Variants in PIP5K1B observed in about 807,000 individuals in gnomAD.
PIP5K1B encodes the protein phosphatidylinositol-4-phosphate 5-kinase type 1 beta.
Under a neutral mutation model 67.0 loss-of-function variants are expected in PIP5K1B, and 42 were observed. The ratio of observed to expected loss-of-function variants is 0.63; its 90% CI spans 0.49 to 0.81. PIP5K1B has a LOEUF of 0.81. Ranked by LOEUF, PIP5K1B falls within the 30% of genes least tolerant of loss-of-function variation. The pLI, the probability that PIP5K1B is intolerant of heterozygous loss-of-function variation, is 0.00. For missense variants in PIP5K1B, 459 were observed against 646.3 expected (o/e 0.71, Z 3.14); for synonymous variants, 214 against 231.4 (o/e 0.92, Z 0.68).
At chr9:68,886,163 A>T (rs1253252176) in intron 6 of PIP5K1B, among the ~76,000 whole-genome samples, 1 of 151,764 alleles carries the variant, frequency 6.6e-6, no homozygotes, top group African/African-American at 2.4e-5. Flanking sequence ...TGGGTGTCAG[A>T]GCGAGACTCC....
chr9:68,956,324 G>C (rs1329924866), intron 14 of PIP5K1B, among the ~76,000 whole-genome samples: 1 of 152,172 alleles, frequency 6.6e-6, no homozygotes, highest in African/African-American at 2.4e-5. Context: ...ACAAAAATTG[G>C]CTGGGCATGA....
At chr9:68,986,632 T>C (rs576300447) in intron 14 of PIP5K1B, among the ~76,000 whole-genome samples, 1 of 152,356 alleles carries the variant, frequency 6.6e-6, no homozygotes, top group South Asian at 2.1e-4. Context: ...TTTTATCAAA[T>C]TTTGACCTTA....
chr9:68,817,294 C>T (rs1197698749), intron 2 of PIP5K1B, among the ~76,000 whole-genome samples: 1 of 152,228 alleles, frequency 6.6e-6, no homozygotes, highest in African/African-American at 2.4e-5. Context: ...TTGCTTCAAC[C>T]TTTGCACCGG....
intron 6 of PIP5K1B, among the ~76,000 whole-genome samples, chr9:68,888,214 G>A (rs981494194): frequency 2.4e-4 from 37 of 152,004 alleles, no homozygotes; most frequent in African/African-American, 8.0e-4. Context: ...TCCTGACCTC[G>A]TCATCCACCC....
chr9:68,947,059 G>A (rs868203082), intron 14 of PIP5K1B, among the ~76,000 whole-genome samples: 1 of 152,322 alleles, frequency 6.6e-6, no homozygotes, highest in Middle Eastern at 3.4e-3. Flanking sequence ...TGCAGCTGCC[G>A]CATAAGTCTC....
At chr9:68,795,630 G>T (rs1016565193) in intron 2 of PIP5K1B, among the ~76,000 whole-genome samples, 2 of 146,046 alleles carry the variant, frequency 1.4e-5, no homozygotes, top group African/African-American at 2.4e-5. Flanking sequence ...TAAAATATTT[G>T]CACATTAGCA....
chr9:68,989,106 A>C (rs1192667384), intron 14 of PIP5K1B, among the ~76,000 whole-genome samples: 1 of 151,436 alleles, frequency 6.6e-6, no homozygotes, highest in Non-Finnish European at 1.5e-5. Flanking sequence ...AAAAAAAAAA[A>C]AAAAAAAAAA....
At position 68,777,695 on chromosome 9, in the gene PIP5K1B, G is replaced by C. The variant is rs537755746; in HGVS notation, c.-86+35038G>C. On this transcript the variant is annotated intron_variant, in intron 2 of 15. Transcript: ENST00000265382. ...ATTTTGTGGGCTCATCACCATCCTTGTGTTTTATTAGTAAAGGTAATTATT... is the reference window on the plus strand; with the variant it reads ...ATTTTGTGGGCTCATCACCATCCTTCTGTTTTATTAGTAAAGGTAATTATT... 2.6e-5 allele frequency among the ~76,000 whole-genome samples: 4 copies of C among 152,128 alleles called. No individual in the cohort carries two copies. The South Asian group carries it at 6.2e-4, about 24-fold the overall frequency.
At chr9:68,925,263 T>C (rs1372245617) in intron 12 of PIP5K1B, among the ~76,000 whole-genome samples, 10 of 152,200 alleles carry the variant, frequency 6.6e-5, no homozygotes, top group Admixed American at 6.5e-4. Context: ...ATTATTTCTT[T>C]AGAATGGATT....
rs559270742 is a variant in PIP5K1B at position 68,850,628 on chromosome 9, G to C, written c.70-13209G>C. 1.3e-4 allele frequency among the ~76,000 whole-genome samples: 20 copies of C among 152,316 alleles called. No individual in the cohort carries two copies. In the East Asian group the frequency reaches 3.9e-3, roughly 29 times the overall value. On this transcript the variant is annotated intron_variant, in intron 4 of 15. Coordinates refer to ENST00000265382, the MANE Select transcript of PIP5K1B (RefSeq NM_003558.4). ...GCATTGTGTTATTTCCCCCAAAACA[G>C]TGCTTAGCACTGAACTAATATATAA...
intron 2 of PIP5K1B, among the ~76,000 whole-genome samples, chr9:68,810,169 T>C (rs1221383727): frequency 6.6e-6 from 1 of 152,172 alleles, no homozygotes; most frequent in African/African-American, 2.4e-5. Flanking sequence ...GGCATGAAAA[T>C]ATTTGAATAT....
At chr9:68,810,466 GTGTT>G (rs1833102968) in intron 2 of PIP5K1B, among the ~76,000 whole-genome samples, 1 of 152,226 alleles carries the variant, frequency 6.6e-6, no homozygotes. Context: ...GTTTAATAAA[GTGTT>G]TGTTTTTATG....
chr9:68,827,621 G>A (rs761467366), intron 4 of PIP5K1B, among the ~76,000 whole-genome samples: 80 of 152,246 alleles, frequency 5.3e-4, no homozygotes, highest in Non-Finnish European at 8.2e-4. Context: ...GAGATGACAC[G>A]GGAAGGCTTT....
At chr9:68,817,712 CTTTTTTTT>C (rs1156788129) in intron 2 of PIP5K1B, among the ~76,000 whole-genome samples, 2 of 93,636 alleles carry the variant, frequency 2.1e-5, no homozygotes, top group African/African-American at 8.2e-5. Flanking sequence ...AGACCTCATT[CTTTTTTTT>C]TTTTTTTTTT....
chr9:68,751,214 T>C (rs763220422), intron 2 of PIP5K1B, among the ~76,000 whole-genome samples: 4 of 152,256 alleles, frequency 2.6e-5, no homozygotes, highest in Non-Finnish European at 5.9e-5. Context: ...AGAAAGCACG[T>C]AGACCTGTGT....
intron 14 of PIP5K1B, 101 bp from the exon 15 acceptor site, chr9:68,991,039 A>G (rs1830340362): frequency 1.4e-6 from 1 of 715,078 alleles, no homozygotes; most frequent in Admixed American, 2.2e-5. Context: ...AAAATTGTTT[A>G]TCCCCAAAAG....
chr9:68,839,914 A>G (rs1821829398), intron 4 of PIP5K1B, among the ~76,000 whole-genome samples: 1 of 152,216 alleles, frequency 6.6e-6, no homozygotes, highest in African/African-American at 2.4e-5. Flanking sequence ...CTCATCACCC[A>G]TTCATTTATT....
Position 68,917,668 on chromosome 9 carries a change from G to T in PIP5K1B, c.892G>T (p.Gly298Trp), listed in dbSNP as rs139728579. 2.7e-5 allele frequency: 43 copies of T among 1,613,996 alleles called. No homozygotes were observed. The highest frequency in any genetic ancestry group is 3.6e-5 in the Non-Finnish European group (42 of 1,179,958). The part of the protein sequence containing the change: ...PQNVPDAKRT[G>W]MQKVLYSTAM... ...AAATGTGCCTGATGCTAAGCGGACTGGGATGCAGAAGGTTCTCTACTCAAC... is the reference window on the plus strand; with the variant it reads ...AAATGTGCCTGATGCTAAGCGGACTTGGATGCAGAAGGTTCTCTACTCAAC... Residue 298 changes from glycine to tryptophan, a missense_variant, in exon 9 of 16, where the codon GGG (glycine) becomes TGG (tryptophan). Physicochemically the swap from Gly to Trp is radical, Grantham distance 184. Coordinates refer to ENST00000265382, the MANE Select transcript of PIP5K1B (RefSeq NM_003558.4).
intron 15 of PIP5K1B, among the ~76,000 whole-genome samples, chr9:68,993,506 G>T (rs920758959): frequency 1.3e-5 from 2 of 151,922 alleles, no homozygotes; most frequent in African/African-American, 4.8e-5. Flanking sequence ...CCTAGTTTTT[G>T]CATAAACAAA....
Sources: gnomAD v4.1 joint callset for allele counts (sites outside exome capture counted in the v4.1 genomes callset) on GRCh38, gnomAD v4.1.1 for gene constraint, MANE v1.5 for transcripts, NCBI Gene and HGNC (gene_info 2026-07-23, HGNC 2026-07-21) for gene names.